CDH18: variants seen among roughly 807,000 people sequenced by gnomAD.
CDH18 encodes the protein cadherin 18.
CDH18 carries 31 observed loss-of-function variants against 67.9 expected under a neutral mutation model. That is an observed-to-expected ratio of 0.46 (90% confidence interval 0.34 to 0.62). CDH18 has a LOEUF of 0.62. CDH18 is among the 20% of genes least tolerant of loss of function. The probability of loss-of-function intolerance (pLI) is 0.01; values close to 1 mark genes in which losing one functional copy is unlikely to be tolerated. For missense variants in CDH18, 890 were observed against 975.5 expected (o/e 0.91, Z 1.17); for synonymous variants, 362 against 347.2 (o/e 1.04, Z -0.48).
chr5:19,936,635 A>G (rs1477628076), intron 2 of CDH18, among the ~76,000 whole-genome samples: 1 of 151,186 alleles, frequency 6.6e-6, no homozygotes, highest in Non-Finnish European at 1.5e-5. Flanking sequence ...AAAGAAAAAA[A>G]ATAAAAACTA....
chr5:20,267,375 C>T (rs963018349), intron 1 of CDH18, among the ~76,000 whole-genome samples: 3 of 152,136 alleles, frequency 2.0e-5, no homozygotes, highest in Non-Finnish European at 2.9e-5. Context: ...GTGATGCCTC[C>T]AGCTTTGTTC....
chr5:19,596,738 A>G (rs1746234707), intron 6 of CDH18, among the ~76,000 whole-genome samples: 1 of 152,224 alleles, frequency 6.6e-6, no homozygotes, highest in Middle Eastern at 3.4e-3. Flanking sequence ...ATGTTTATAG[A>G]AAAAAAACCT....
intron 1 of CDH18, among the ~76,000 whole-genome samples, chr5:20,317,135 C>T (rs558872847): frequency 4.6e-5 from 7 of 152,076 alleles, no homozygotes; most frequent in African/African-American, 1.7e-4. Flanking sequence ...AAACTTTTTG[C>T]TTTTGCCTTT....
At chr5:19,664,099 G>A (rs1385303659) in intron 5 of CDH18, among the ~76,000 whole-genome samples, 1 of 151,860 alleles carries the variant, frequency 6.6e-6, no homozygotes, top group East Asian at 1.9e-4. Context: ...TATTAATCAT[G>A]TTAATCTAAT....
intron 4 of CDH18, among the ~76,000 whole-genome samples, chr5:19,734,709 A>AC (rs1489677641): frequency 6.6e-6 from 1 of 151,976 alleles, no homozygotes; most frequent in Non-Finnish European, 1.5e-5. Context: ...AGTGCTGCCC[A>AC]CCCCCTGCCC....
chr5:20,188,767 A>T (rs1345278695), intron 2 of CDH18, among the ~76,000 whole-genome samples: 3 of 149,512 alleles, frequency 2.0e-5, no homozygotes, highest in Non-Finnish European at 4.4e-5. Context: ...ACCATCTGTA[A>T]TCTAGGCTTT....
intron 1 of CDH18, among the ~76,000 whole-genome samples, chr5:20,501,238 C>A (rs1754229251): frequency 1.3e-5 from 2 of 151,520 alleles, no homozygotes. Flanking sequence ...ATGTAAATAA[C>A]TGTGGAATTA....
Position 20,144,635 on chromosome 5 carries a change from G to A in CDH18, c.-518+110809C>T, listed in dbSNP as rs181976898. On this transcript the variant is annotated intron_variant, in intron 2 of 14. Coordinates refer to the CDH18 transcript ENST00000507958. ...TTGGGAGTGTTGGCATGGTGTGAAT[G>A]TGTCTTGCATGTGAGAAGGGCATAA... Among the ~76,000 whole-genome samples, 15 of 152,218 alleles carry A rather than the reference G, an allele frequency of 9.9e-5. No individual in the cohort carries two copies. In the East Asian group the frequency reaches 2.9e-3, roughly 29 times the overall value.
chr5:19,595,250 T>C (rs1745980296), intron 6 of CDH18, among the ~76,000 whole-genome samples: 1 of 151,828 alleles, frequency 6.6e-6, no homozygotes, highest in Admixed American at 6.6e-5. Context: ...GCACTGAAAA[T>C]TATAAAACAT....
At chr5:20,333,988 C>A (rs62352789) in intron 1 of CDH18, among the ~76,000 whole-genome samples, 64,482 of 151,290 alleles carry the variant, frequency 0.43, 15,835 homozygotes, top group Middle Eastern at 0.62. Context: ...AAAAGATAAA[C>A]GTTTGGGGTC....
chr5:20,550,031 T>C (rs1757548483), intron 1 of CDH18, among the ~76,000 whole-genome samples: 1 of 152,160 alleles, frequency 6.6e-6, no homozygotes. Flanking sequence ...TTAAAGTGCA[T>C]ATTTAGAATC....
intron 6 of CDH18, among the ~76,000 whole-genome samples, chr5:19,604,530 AACACACACACACACACACACACAC>A (rs4002268): frequency 3.4e-5 from 5 of 145,196 alleles, no homozygotes; most frequent in South Asian, 2.2e-4. Flanking sequence ...TTCAAATTAA[AACACACACACACACACACACACAC>A]ACACACACAC....
chr5:20,351,986 T>C (rs1741218593), intron 1 of CDH18, among the ~76,000 whole-genome samples: 1 of 152,220 alleles, frequency 6.6e-6, no homozygotes, highest in Non-Finnish European at 1.5e-5. Context: ...TAAAGCTCAG[T>C]AGTTTAGGTT....
chr5:20,275,162 T>A (rs982661504), intron 1 of CDH18, among the ~76,000 whole-genome samples: 1 of 152,148 alleles, frequency 6.6e-6, no homozygotes, highest in African/African-American at 2.4e-5. Context: ...TTGATATGAT[T>A]CGGCTTTGTG....
chr5:19,610,209 C>A (rs562712957), intron 6 of CDH18, among the ~76,000 whole-genome samples: 105 of 152,124 alleles, frequency 6.9e-4, no homozygotes, highest in Non-Finnish European at 1.3e-3. Context: ...ATGTTACTGA[C>A]TGAAGAAACA....
At chr5:19,741,646 G>A (rs1769229768) in intron 4 of CDH18, among the ~76,000 whole-genome samples, 1 of 152,116 alleles carries the variant, frequency 6.6e-6, no homozygotes, top group Non-Finnish European at 1.5e-5. Flanking sequence ...TTCACGGCAT[G>A]AGCATTCTGG....
intron 7 of CDH18, among the ~76,000 whole-genome samples, chr5:19,589,632 T>A (rs752131068): frequency 6.6e-6 from 1 of 152,104 alleles, no homozygotes; most frequent in Non-Finnish European, 1.5e-5. Context: ...AATTCAGCAA[T>A]CAGAAATCTT....
chr5:19,936,587 T>C (rs1383452408), intron 2 of CDH18, among the ~76,000 whole-genome samples: 2 of 151,040 alleles, frequency 1.3e-5, no homozygotes, highest in Admixed American at 1.3e-4. Flanking sequence ...ACTACAAATA[T>C]GCCACAATTT....
At chr5:19,920,115 A>G (rs1308464651) in intron 2 of CDH18, among the ~76,000 whole-genome samples, 1 of 152,194 alleles carries the variant, frequency 6.6e-6, no homozygotes, top group East Asian at 1.9e-4. Context: ...TGAATCCCAT[A>G]ATATTTTCAG....
Sources: allele counts gnomAD v4.1 joint callset (sites outside exome capture counted in the v4.1 genomes callset), GRCh38; gene constraint gnomAD v4.1.1; transcripts MANE v1.5; gene names NCBI Gene and HGNC (gene_info 2026-07-23, HGNC 2026-07-21).